The following KCNK2 variants were observed in gnomAD, a reference collection of about 807,000 sequenced individuals.
KCNK2 encodes the protein potassium channel subfamily K member 2.
In KCNK2, 21 loss-of-function variants were observed where a neutral mutation model predicts 40.5. The observed-to-expected ratio is 0.52, with a 90% CI of 0.37 to 0.75. KCNK2 has a LOEUF of 0.75. Ranked by LOEUF, KCNK2 falls within the 30% of genes least tolerant of loss-of-function variation. KCNK2 has a pLI of 0.00. For synonymous variants in KCNK2, 191 were observed against 202.2 expected (o/e 0.94, Z 0.47); for missense variants, 399 against 531.6 (o/e 0.75, Z 2.45).
At chr1:215,083,937 AGT>A (rs1206161217) in intron 1 of KCNK2, among the ~76,000 whole-genome samples, 1 of 152,088 alleles carries the variant, frequency 6.6e-6, no homozygotes, top group Non-Finnish European at 1.5e-5. Flanking sequence ...GACGGTGCTG[AGT>A]GTGTGTGGAA....
chr1:215,133,662 C>G (rs1310415666), intron 3 of KCNK2, among the ~76,000 whole-genome samples: 1 of 150,800 alleles, frequency 6.6e-6, no homozygotes, highest in Non-Finnish European at 1.5e-5. Context: ...ATCTTACTTA[C>G]TCTTGGAAAA....
At chr1:215,191,150 T>G (rs1392453222) in intron 5 of KCNK2, among the ~76,000 whole-genome samples, 2 of 151,820 alleles carry the variant, frequency 1.3e-5, no homozygotes, top group African/African-American at 4.8e-5. Context: ...TCAGGCGTGG[T>G]GGCAGGTGCC....
chr1:215,209,054 T>G (rs926756720), intron 6 of KCNK2, among the ~76,000 whole-genome samples: 7 of 151,526 alleles, frequency 4.6e-5, no homozygotes, highest in African/African-American at 1.7e-4. Context: ...CTCAAACTCC[T>G]GACCTCAAGC....
At chr1:215,105,313 A>G (rs920554748) in intron 2 of KCNK2, among the ~76,000 whole-genome samples, 3 of 152,088 alleles carry the variant, frequency 2.0e-5, no homozygotes, top group African/African-American at 7.2e-5. Flanking sequence ...GATACCTCAT[A>G]TAAGTGGGAA....
At chr1:215,194,327 G>A (rs142226524) in intron 5 of KCNK2, among the ~76,000 whole-genome samples, 8 of 151,926 alleles carry the variant, frequency 5.3e-5, no homozygotes, top group Non-Finnish European at 2.9e-5. Context: ...TTTATTTTAT[G>A]ACAGTCATGG....
intron 3 of KCNK2, among the ~76,000 whole-genome samples, chr1:215,162,768 C>G (rs1663259545): frequency 6.6e-6 from 1 of 151,702 alleles, no homozygotes; most frequent in African/African-American, 2.4e-5. Flanking sequence ...CTGTTCTGTT[C>G]TATTGGTCTA....
intron 3 of KCNK2, among the ~76,000 whole-genome samples, chr1:215,132,245 A>G (rs563620592): frequency 4.3e-4 from 65 of 152,368 alleles, no homozygotes; most frequent in African/African-American, 1.5e-3. Flanking sequence ...TTATGACCAC[A>G]GAAGCCACTG....
chr1:215,158,466 T>C (rs2102621105), intron 3 of KCNK2, among the ~76,000 whole-genome samples: 1 of 152,296 alleles, frequency 6.6e-6, no homozygotes, highest in Non-Finnish European at 1.5e-5. Context: ...CTCTTTTAAC[T>C]TACGTGGGGT....
chr1:215,136,161 C>A (rs544316435), intron 3 of KCNK2, among the ~76,000 whole-genome samples: 6 of 151,788 alleles, frequency 4.0e-5, no homozygotes, highest in Non-Finnish European at 8.8e-5. Flanking sequence ...TGTAGCATGA[C>A]CCCGGTTCAC....
At chr1:215,041,039 T>C (rs751920065) in intron 1 of KCNK2, among the ~76,000 whole-genome samples, 9 of 152,212 alleles carry the variant, frequency 5.9e-5, no homozygotes, top group African/African-American at 1.9e-4. Context: ...TATGTTTCAC[T>C]CTTCTCCTCA....
intron 6 of KCNK2, among the ~76,000 whole-genome samples, chr1:215,196,694 T>G (rs1664881056): frequency 6.6e-6 from 1 of 151,954 alleles, no homozygotes; most frequent in African/African-American, 2.4e-5. Context: ...GAGTGTGGTG[T>G]GTGTGGGGGC....
intron 2 of KCNK2, among the ~76,000 whole-genome samples, chr1:215,094,801 A>G (rs1659908060): frequency 6.6e-6 from 1 of 152,180 alleles, no homozygotes; most frequent in Admixed American, 6.6e-5. Flanking sequence ...AGTGGTATAT[A>G]TCAATAAAAT....
chr1:215,028,716 T>C (rs1657081850), intron 1 of KCNK2, among the ~76,000 whole-genome samples: 1 of 152,164 alleles, frequency 6.6e-6, no homozygotes, highest in Admixed American at 6.5e-5. Flanking sequence ...TTTTGATAAA[T>C]GCATTTACCA....
chr1:215,045,766 C>G (rs1657746717), intron 1 of KCNK2, among the ~76,000 whole-genome samples: 1 of 152,104 alleles, frequency 6.6e-6, no homozygotes, highest in Non-Finnish European at 1.5e-5. Flanking sequence ...TTCCTGGGCT[C>G]TCACCTGTAA....
At chr1:215,135,269 C>A (rs894933814) in intron 3 of KCNK2, among the ~76,000 whole-genome samples, 2 of 152,074 alleles carry the variant, frequency 1.3e-5, no homozygotes, top group African/African-American at 4.8e-5. Flanking sequence ...CTAGGCAAAG[C>A]TAGTGTGATT....
upstream of KCNK2, among the ~76,000 whole-genome samples, chr1:215,078,345 G>A (rs1363624204): frequency 6.6e-6 from 1 of 152,054 alleles, no homozygotes; most frequent in African/African-American, 2.4e-5. Flanking sequence ...GAACTGAATT[G>A]GTCTGTTCTC....
intron 6 of KCNK2, among the ~76,000 whole-genome samples, chr1:215,211,507 A>G (rs1434432032): frequency 1.3e-5 from 2 of 152,130 alleles, no homozygotes; most frequent in Non-Finnish European, 2.9e-5. Context: ...AACGTCTAAC[A>G]TTCCATACAA....
chr1:215,005,619 C>T (rs1333926516), upstream of KCNK2, among the ~76,000 whole-genome samples: 2 of 152,178 alleles, frequency 1.3e-5, no homozygotes, highest in Non-Finnish European at 2.9e-5. Context: ...CTTTTAAATT[C>T]TCTGGAACAA....
intron 6 of KCNK2, among the ~76,000 whole-genome samples, chr1:215,205,790 C>T (rs1665291827): frequency 6.6e-6 from 1 of 152,132 alleles, no homozygotes; most frequent in Non-Finnish European, 1.5e-5. Flanking sequence ...TTTGGTAACA[C>T]ACCAATCATT....
Sources: gnomAD v4.1 joint callset for allele counts (sites outside exome capture counted in the v4.1 genomes callset) on GRCh38, gnomAD v4.1.1 for gene constraint, MANE v1.5 for transcripts, NCBI Gene and HGNC (gene_info 2026-07-23, HGNC 2026-07-21) for gene names.